Variants in TTC28 observed in about 807,000 individuals in gnomAD.
TTC28 encodes tetratricopeptide repeat domain 28.
In TTC28, 61 loss-of-function variants were observed where a neutral mutation model predicts 198.0. The ratio of observed to expected loss-of-function variants is 0.31; its 90% CI spans 0.25 to 0.38. The LOEUF (loss-of-function observed/expected upper bound fraction) is 0.38. TTC28 is among the 10% of genes least tolerant of loss of function. TTC28 has a pLI of 1.00. For missense variants in TTC28, 2,678 were observed against 3,164.0 expected (o/e 0.85, Z 3.69); for synonymous variants, 1,171 against 1,297.8 (o/e 0.90, Z 2.10).
At chr22:28,647,702 G>A (rs1469671501) in intron 1 of TTC28, among the ~76,000 whole-genome samples, 2 of 151,462 alleles carry the variant, frequency 1.3e-5, no homozygotes, top group African/African-American at 4.9e-5. Context: ...AGCCGGGTGT[G>A]GTGGCAGGCG....
rs34208241 is a variant in TTC28, at chr22:28,601,777, GACACACACACAC to G, written c.381+27763_381+27774del. On this transcript the variant is annotated intron_variant, in intron 2 of 22. Coordinates refer to ENST00000397906, the MANE Select transcript of TTC28 (RefSeq NM_001145418.2). ...AAGATTCACAGCAGAGTAAACCCTA[GACACACACACAC>G]ACACACACACACACACACACACACA... Among the ~76,000 whole-genome samples the G allele has an allele frequency of 3.1e-3, 440 of 141,554 alleles. 2 individuals are homozygous for G. The highest frequency in any genetic ancestry group is 0.01 in the African/African-American group (397 of 38,212). 92.9% of individuals were successfully genotyped at this position (141,554 alleles called of 152,430 possible).
chr22:28,529,434 A>C (rs1478171606), intron 2 of TTC28, among the ~76,000 whole-genome samples: 2 of 152,210 alleles, frequency 1.3e-5, no homozygotes, highest in Admixed American at 1.3e-4. Flanking sequence ...GGAGTCCACC[A>C]CAGCTCAAAG....
chr22:28,661,689 A>G (rs866379304), intron 1 of TTC28, among the ~76,000 whole-genome samples: 1 of 151,464 alleles, frequency 6.6e-6, no homozygotes. Context: ...GCTCACTGCA[A>G]CCTCTGCCTC....
intron 2 of TTC28, among the ~76,000 whole-genome samples, chr22:28,558,300 T>C (rs886171247): frequency 2.0e-5 from 3 of 152,236 alleles, no homozygotes; most frequent in Non-Finnish European, 2.9e-5. Flanking sequence ...AGATGTAAAC[T>C]GTCACCAAGA....
intron 2 of TTC28, among the ~76,000 whole-genome samples, chr22:28,588,996 G>A (rs1311209773): frequency 6.6e-6 from 1 of 152,140 alleles, no homozygotes; most frequent in Non-Finnish European, 1.5e-5. Flanking sequence ...CTTTCACTGA[G>A]TATCATACTT....
At chr22:28,262,019 T>C (rs1055263049) in intron 5 of TTC28, among the ~76,000 whole-genome samples, 13 of 152,180 alleles carry the variant, frequency 8.5e-5, no homozygotes, top group Admixed American at 2.6e-4. Context: ...CCAACAAAGT[T>C]TGTTATGAAA....
At chr22:28,166,147 C>A (rs1026958203) in intron 5 of TTC28, among the ~76,000 whole-genome samples, 1 of 152,118 alleles carries the variant, frequency 6.6e-6, no homozygotes, top group African/African-American at 2.4e-5. Context: ...CATATGCACC[C>A]AATACAGGAG....
intron 6 of TTC28, among the ~76,000 whole-genome samples, chr22:28,116,147 C>G (rs1451685927): frequency 6.6e-6 from 1 of 152,186 alleles, no homozygotes; most frequent in Non-Finnish European, 1.5e-5. Flanking sequence ...CTTCAGTCCC[C>G]TCCCACCACC....
intron 2 of TTC28, among the ~76,000 whole-genome samples, chr22:28,393,509 T>C (rs2046767849): frequency 6.6e-6 from 1 of 151,862 alleles, no homozygotes; most frequent in Non-Finnish European, 1.5e-5. Flanking sequence ...CCAGGTAACA[T>C]AGTGAGACCT....
chr22:28,204,041 A>G (rs1926194472), intron 5 of TTC28, among the ~76,000 whole-genome samples: 1 of 152,188 alleles, frequency 6.6e-6, no homozygotes, highest in Non-Finnish European at 1.5e-5. Flanking sequence ...ATTCTTCATG[A>G]TTCCTCTCAA....
chr22:28,355,179 T>C lies in TTC28; in HGVS notation c.382-48536A>G, dbSNP rs78052433. The stretch of plus-strand genomic sequence containing the variant: ...TGTATTATTATCCAGACTTTACAGA[T>C]AAGAAAAGGATGATCCACAGAGGTT... On this transcript the variant is annotated intron_variant, in intron 2 of 22. Coordinates refer to ENST00000397906, the MANE Select transcript of TTC28 (RefSeq NM_001145418.2). 3.7e-3 allele frequency among the ~76,000 whole-genome samples: 565 copies of C among 152,180 alleles called. 5 individuals carry two copies. Among genetic ancestry groups the C allele is most frequent in the African/African-American group, 0.013 (525 of 41,510 alleles).
At chr22:28,529,416 A>C (rs2145891997) in intron 2 of TTC28, among the ~76,000 whole-genome samples, 1 of 152,300 alleles carries the variant, frequency 6.6e-6, no homozygotes, top group South Asian at 2.1e-4. Context: ...TGGAAGCTCA[A>C]ACTGGGTGGA....
chr22:28,413,423 TA>T (rs908424064), intron 2 of TTC28, among the ~76,000 whole-genome samples: 2 of 148,790 alleles, frequency 1.3e-5, no homozygotes, highest in Admixed American at 6.7e-5. Flanking sequence ...GTCTTAAAAT[TA>T]AAAAAAAAAG....
intron 14 of TTC28, among the ~76,000 whole-genome samples, chr22:28,009,449 G>C (rs1404402101): frequency 3.3e-5 from 5 of 152,216 alleles, no homozygotes; most frequent in Admixed American, 2.6e-4. Flanking sequence ...TGTGGAGAAG[G>C]GTCTGGCTTG....
intron 1 of TTC28, among the ~76,000 whole-genome samples, chr22:28,670,168 A>C (rs1361606422): frequency 6.6e-6 from 1 of 151,368 alleles, no homozygotes; most frequent in East Asian, 1.9e-4. Context: ...TTATTTTCTG[A>C]CATTTTTCTA....
At chr22:28,600,346 A>G (rs1859627468) in intron 2 of TTC28, among the ~76,000 whole-genome samples, 2 of 152,170 alleles carry the variant, frequency 1.3e-5, no homozygotes, top group South Asian at 4.1e-4. Context: ...TTGAGGCTGC[A>G]GTTAGCTGTA....
chr22:28,403,209 G>A (rs973224234), intron 2 of TTC28, among the ~76,000 whole-genome samples: 3 of 152,110 alleles, frequency 2.0e-5, no homozygotes, highest in Non-Finnish European at 4.4e-5. Context: ...CTTTGCTATT[G>A]GCCAATAGTC....
chr22:28,454,596 T>G (rs1007962723), intron 2 of TTC28, among the ~76,000 whole-genome samples: 2 of 152,220 alleles, frequency 1.3e-5, no homozygotes, highest in Non-Finnish European at 2.9e-5. Context: ...GTAATTATTC[T>G]GGAAATAATT....
At chr22:28,532,025 C>A (rs1478304663) in intron 2 of TTC28, among the ~76,000 whole-genome samples, 9 of 152,214 alleles carry the variant, frequency 5.9e-5, no homozygotes, top group Non-Finnish European at 1.2e-4. Context: ...CAAACACGTG[C>A]AAAAGCTAGC....
Sources: gnomAD v4.1 joint callset for allele counts (sites outside exome capture counted in the v4.1 genomes callset) on GRCh38, gnomAD v4.1.1 for gene constraint, MANE v1.5 for transcripts, NCBI Gene and HGNC (gene_info 2026-07-23, HGNC 2026-07-21) for gene names.